The following KSR1 variants were observed in gnomAD, a reference collection of about 807,000 sequenced individuals.
The protein encoded by KSR1 is kinase suppressor of ras 1, also known as kinase suppressor of ras.
In KSR1, 35 loss-of-function variants were observed where a neutral mutation model predicts 92.9. That is an observed-to-expected ratio of 0.38 (90% confidence interval 0.29 to 0.50). The LOEUF is 0.50. Ranked by LOEUF, KSR1 falls within the 20% of genes least tolerant of loss-of-function variation. The pLI, the probability that KSR1 is intolerant of heterozygous loss-of-function variation, is 0.94. For missense variants in KSR1, 972 were observed against 1,158.5 expected (o/e 0.84, Z 2.34); for synonymous variants, 467 against 472.6 (o/e 0.99, Z 0.15).
At chr17:27,469,103 C>T (rs2019846618) in intron 1 of KSR1, among the ~76,000 whole-genome samples, 1 of 152,144 alleles carries the variant, frequency 6.6e-6, no homozygotes, top group Non-Finnish European at 1.5e-5. Context: ...TCTCTGGGAG[C>T]CCCGGGCAAA....
At chr17:27,475,819 C>T (rs2068324029) in intron 1 of KSR1, among the ~76,000 whole-genome samples, 1 of 152,194 alleles carries the variant, frequency 6.6e-6, no homozygotes, top group South Asian at 2.1e-4. Flanking sequence ...TGGGTCATCA[C>T]ACACACAGAT....
chr17:27,605,234 C>G (rs1012775567), intron 13 of KSR1, among the ~76,000 whole-genome samples, 200 bp from the exon 14 acceptor site: 1 of 152,250 alleles, frequency 6.6e-6, no homozygotes, highest in African/African-American at 2.4e-5. Flanking sequence ...CCAGCCGCCA[C>G]ATATTGTGGA....
chr17:27,562,148 G>T (rs2071856937), intron 2 of KSR1, among the ~76,000 whole-genome samples: 1 of 152,134 alleles, frequency 6.6e-6, no homozygotes. Context: ...GCCCGGCCTT[G>T]CTTGGTGTTT....
chr17:27,607,376 ACC>A (rs1399825730), intron 14 of KSR1, among the ~76,000 whole-genome samples: 1 of 151,600 alleles, frequency 6.6e-6, no homozygotes, highest in Non-Finnish European at 1.5e-5. Flanking sequence ...GCAGGTGGCG[ACC>A]CCAGAACTGA....
chr17:27,547,781 T>C (rs2071234261), intron 1 of KSR1, among the ~76,000 whole-genome samples: 2 of 152,258 alleles, frequency 1.3e-5, no homozygotes, highest in Middle Eastern at 6.8e-3. Flanking sequence ...GGCATGATCT[T>C]GGCTTCCTGC....
intron 1 of KSR1, among the ~76,000 whole-genome samples, chr17:27,489,412 C>T (rs181946110): frequency 2.0e-4 from 31 of 152,312 alleles, no homozygotes; most frequent in African/African-American, 7.2e-4. Context: ...TTTGGGGGTT[C>T]AAGCCCAGGC....
At chr17:27,607,787 C>T in intron 14 of KSR1, 127 bp from the exon 15 acceptor site, 1 of 692,522 alleles carries the variant, frequency 1.4e-6, no homozygotes, top group Non-Finnish European at 2.5e-6. Flanking sequence ...AGATTTGGCT[C>T]ACAGTCGAGG....
At chr17:27,582,193 C>T (rs539176768) in intron 3 of KSR1, among the ~76,000 whole-genome samples, 1 of 152,242 alleles carries the variant, frequency 6.6e-6, no homozygotes, top group African/African-American at 2.4e-5. Flanking sequence ...CTCTGTAAAA[C>T]AGAGATCCAG....
intron 1 of KSR1, among the ~76,000 whole-genome samples, chr17:27,457,741 C>T (rs2019245860): frequency 6.6e-6 from 1 of 152,148 alleles, no homozygotes; most frequent in African/African-American, 2.4e-5. Flanking sequence ...CTAGTGGATT[C>T]TGAATGTGAT....
At position 27,611,548 on chromosome 17, in the gene KSR1, A is replaced by G; in HGVS notation, c.2412A>G (p.Ala804=). 6.2e-7 allele frequency: 1 copy of G among 1,613,954 alleles called. No individual in the cohort carries two copies. The highest frequency in any genetic ancestry group is 1.1e-5 in the South Asian group (1 of 91,078). ...ACTGGCCCTTGAAGAACCAGGCTGC[A>G]GAGGCATCCATCTGGCAGATTGGAA... ...ARDWPLKNQA[A]EASIWQIGSG... The change falls in exon 18 of 21, where the codon GCA becomes GCG. Residue 804 remains alanine (A), a synonymous_variant. Coordinates refer to ENST00000644974, the MANE Select transcript of KSR1 (RefSeq NM_001394583.1).
rs141035851 is a variant in KSR1 at position 27,472,245 on chromosome 17, G to A, written c.231+15371G>A. Among the ~76,000 whole-genome samples the A allele has an allele frequency of 1.2e-3, 176 of 152,332 alleles. 1 individual carries two copies. Among genetic ancestry groups the A allele is most frequent in the Middle Eastern group, 3.4e-3 (1 of 294 alleles). ...GATTTGGGGACATTGTGCTCCTCAT[G>A]GGTTTCTTCCCGTAGGATGGGGCAA... On this transcript the variant is annotated intron_variant, in intron 1 of 20. Transcript: ENST00000644974.
At chr17:27,556,245 C>T (rs775387494) in intron 2 of KSR1, among the ~76,000 whole-genome samples, 1 of 152,192 alleles carries the variant, frequency 6.6e-6, no homozygotes, top group African/African-American at 2.4e-5. Flanking sequence ...GACAGGGTCT[C>T]GCTCTGTTGC....
intron 1 of KSR1, among the ~76,000 whole-genome samples, chr17:27,519,462 C>T (rs1300271860): frequency 1.3e-5 from 2 of 152,146 alleles, no homozygotes; most frequent in African/African-American, 4.8e-5. Context: ...CCCCTTCAAC[C>T]CCCGGCATTT....
intron 1 of KSR1, among the ~76,000 whole-genome samples, chr17:27,529,605 C>T (rs1020826247): frequency 2.6e-5 from 4 of 152,218 alleles, no homozygotes; most frequent in African/African-American, 9.7e-5. Flanking sequence ...CATATGTTTC[C>T]ATTTTGTATT....
intron 1 of KSR1, among the ~76,000 whole-genome samples, chr17:27,472,297 G>C (rs2020056561): frequency 6.6e-6 from 1 of 152,204 alleles, no homozygotes; most frequent in South Asian, 2.1e-4. Flanking sequence ...TTGAGCAGAT[G>C]CTTCTGGGAG....
chr17:27,522,265 A>G (rs1006494507), intron 1 of KSR1, among the ~76,000 whole-genome samples: 3 of 152,226 alleles, frequency 2.0e-5, no homozygotes, highest in Non-Finnish European at 4.4e-5. Context: ...CAGGAAAAAC[A>G]GGACTGAGAA....
chr17:27,571,965 T>G (rs761189916), intron 2 of KSR1, among the ~76,000 whole-genome samples: 6 of 152,190 alleles, frequency 3.9e-5, no homozygotes, highest in Non-Finnish European at 8.8e-5. Context: ...GATACCTAAC[T>G]GGCCCTGAGC....
chr17:27,604,141 G>A (rs1287961634), intron 12 of KSR1, among the ~76,000 whole-genome samples: 1 of 152,178 alleles, frequency 6.6e-6, no homozygotes, highest in Non-Finnish European at 1.5e-5. Flanking sequence ...TGGATAGAGG[G>A]CATTTGGAGT....
At chr17:27,553,759 C>T (rs1334423745) in intron 2 of KSR1, among the ~76,000 whole-genome samples, 1 of 152,218 alleles carries the variant, frequency 6.6e-6, no homozygotes, top group Non-Finnish European at 1.5e-5. Flanking sequence ...TATTCTAAAG[C>T]CCAGAAAGAA....
Sources: gnomAD v4.1 joint callset for allele counts (sites outside exome capture counted in the v4.1 genomes callset) on GRCh38, gnomAD v4.1.1 for gene constraint, MANE v1.5 for transcripts, NCBI Gene and HGNC (gene_info 2026-07-23, HGNC 2026-07-21) for gene names.